RARB: variants seen among roughly 807,000 people sequenced by gnomAD.
RARB encodes HBV-activated protein.
RARB carries 17 observed loss-of-function variants against 51.9 expected under a neutral mutation model. The ratio of observed to expected loss-of-function variants is 0.33; its 90% CI spans 0.22 to 0.49. The LOEUF is 0.49. RARB is among the 20% of genes least tolerant of loss of function. The pLI is 0.99. For synonymous variants in RARB, 215 were observed against 195.4 expected, an observed-to-expected ratio of 1.10 and a Z score of -0.84; for missense variants, 369 against 550.8, an observed-to-expected ratio of 0.67 and a Z score of 3.30.
At chr3:24,920,977 A>C (rs13327088) in intron 2 of RARB, among the ~76,000 whole-genome samples, 5,547 of 152,216 alleles carry the variant, frequency 0.036, 340 homozygotes, top group African/African-American at 0.13. Context: ...CATACTGGCC[A>C]ATAGTTCCAC....
chr3:24,849,046 A>T (rs73820096), intron 1 of RARB, among the ~76,000 whole-genome samples: 1,530 of 152,298 alleles, frequency 0.01, 19 homozygotes, highest in African/African-American at 0.03. Flanking sequence ...TCTGCAGGGG[A>T]TACTTTCCAA....
chr3:25,152,832 G>A (rs1001105088), intron 4 of RARB, among the ~76,000 whole-genome samples: 1 of 152,118 alleles, frequency 6.6e-6, no homozygotes, highest in Non-Finnish European at 1.5e-5. Flanking sequence ...TGACCTATGT[G>A]AACATCAAAA....
At chr3:25,448,347 G>A (rs1225496389) in intron 1 of RARB, among the ~76,000 whole-genome samples, 1 of 152,128 alleles carries the variant, frequency 6.6e-6, no homozygotes, top group Admixed American at 6.5e-5. Flanking sequence ...TAATGCTAAA[G>A]CACTTTGAAA....
At chr3:25,123,886 T>C (rs1488479403) in intron 3 of RARB, among the ~76,000 whole-genome samples, 2 of 152,168 alleles carry the variant, frequency 1.3e-5, no homozygotes, top group South Asian at 2.1e-4. Flanking sequence ...TCTCCAGAAC[T>C]TTCTAAAAAG....
At chr3:25,350,585 T>C (rs549183319) in intron 5 of RARB, among the ~76,000 whole-genome samples, 1 of 152,304 alleles carries the variant, frequency 6.6e-6, no homozygotes, top group East Asian at 1.9e-4. Flanking sequence ...AAGTAGTTGT[T>C]TACTTGGTTA....
intron 3 of RARB, among the ~76,000 whole-genome samples, chr3:25,106,597 C>G (rs1427625951): frequency 6.6e-6 from 1 of 151,434 alleles, no homozygotes; most frequent in Non-Finnish European, 1.5e-5. Flanking sequence ...GCCCATGGCA[C>G]CTGGCTCATT....
intron 5 of RARB, among the ~76,000 whole-genome samples, chr3:25,295,796 C>T (rs1703901619): frequency 6.6e-6 from 1 of 152,142 alleles, no homozygotes; most frequent in Non-Finnish European, 1.5e-5. Context: ...GAATACCAAT[C>T]TAAATGTAAG....
intron 5 of RARB, among the ~76,000 whole-genome samples, chr3:25,322,812 T>C (rs1033152254): frequency 6.6e-6 from 1 of 152,158 alleles, no homozygotes; most frequent in Non-Finnish European, 1.5e-5. Flanking sequence ...ATACCCAAAA[T>C]GCAACATGAG....
chr3:25,348,516 A>G (rs1705465643), intron 5 of RARB, among the ~76,000 whole-genome samples: 1 of 152,054 alleles, frequency 6.6e-6, no homozygotes, highest in Non-Finnish European at 1.5e-5. Flanking sequence ...AGTGGGTAAT[A>G]TAATTTGTAA....
intron 1 of RARB, among the ~76,000 whole-genome samples, chr3:24,854,951 C>T (rs1477008376): frequency 6.6e-6 from 1 of 152,168 alleles, no homozygotes; most frequent in Non-Finnish European, 1.5e-5. Context: ...TTTTCAAAAG[C>T]ACTTCTGGTA....
At chr3:25,192,066 T>C (rs1701117270) in intron 5 of RARB, among the ~76,000 whole-genome samples, 1 of 152,130 alleles carries the variant, frequency 6.6e-6, no homozygotes, top group Admixed American at 6.6e-5. Context: ...TTTTGAATGT[T>C]CAAAATCTAA....
chr3:24,861,869 G>A (rs1314873480), intron 2 of RARB, among the ~76,000 whole-genome samples: 1 of 152,194 alleles, frequency 6.6e-6, no homozygotes, highest in Non-Finnish European at 1.5e-5. Flanking sequence ...GCCCTGCAGG[G>A]ACCACCAGGG....
At chr3:25,346,799 C>T (rs753074718) in intron 5 of RARB, among the ~76,000 whole-genome samples, 11 of 152,208 alleles carry the variant, frequency 7.2e-5, no homozygotes, top group Non-Finnish European at 1.6e-4. Context: ...AAAGCAGCTA[C>T]TCATCTCGCA....
chr3:25,170,409 G>C (rs1345991878), intron 4 of RARB, among the ~76,000 whole-genome samples: 1 of 152,082 alleles, frequency 6.6e-6, no homozygotes, highest in African/African-American at 2.4e-5. Context: ...CATGTGAGGG[G>C]AGGCTCTTCC....
intron 2 of RARB, among the ~76,000 whole-genome samples, chr3:25,004,467 A>G (rs1697228853): frequency 6.6e-6 from 1 of 152,136 alleles, no homozygotes; most frequent in Non-Finnish European, 1.5e-5. Flanking sequence ...GGAAGGGCAG[A>G]GAGGGCTACA....
chr3:25,176,295 T>C (rs555795894), intron 5 of RARB, among the ~76,000 whole-genome samples: 1 of 15,536 alleles, frequency 6.4e-5, no homozygotes, highest in South Asian at 3.6e-3. Flanking sequence ...TATTTATCTT[T>C]TCTTTCTTTC....
chr3:25,133,849 A>C (rs138394536), intron 4 of RARB, among the ~76,000 whole-genome samples: 11 of 152,034 alleles, frequency 7.2e-5, no homozygotes, highest in African/African-American at 2.6e-4. Flanking sequence ...GGATTTAAGA[A>C]AAATGAGTAT....
chr3:25,443,537 C>T (rs764568948), intron 1 of RARB, among the ~76,000 whole-genome samples: 27 of 151,734 alleles, frequency 1.8e-4, no homozygotes, highest in Middle Eastern at 6.8e-3. Context: ...GCTTAAAACC[C>T]GGGAGGCGGA....
At chr3:24,986,789 G>T (rs1456178840) in intron 2 of RARB, among the ~76,000 whole-genome samples, 1 of 152,040 alleles carries the variant, frequency 6.6e-6, no homozygotes, top group African/African-American at 2.4e-5. Flanking sequence ...GATTCACATC[G>T]CAGCCTTCAC....
Sources: gnomAD v4.1 joint callset for allele counts (sites outside exome capture counted in the v4.1 genomes callset) on GRCh38, gnomAD v4.1.1 for gene constraint, MANE v1.5 for transcripts, NCBI Gene and HGNC (gene_info 2026-07-23, HGNC 2026-07-21) for gene names.